PACRG: variants seen among roughly 807,000 people sequenced by gnomAD.
PACRG encodes the protein parkin coregulated gene protein.
Under a neutral mutation model 29.7 loss-of-function variants are expected in PACRG, and 29 were observed. The ratio of observed to expected loss-of-function variants is 0.98; its 90% confidence interval spans 0.73 to 1.33. PACRG has a LOEUF of 1.33. Among genes scored for constraint, PACRG ranks in the 40% most tolerant of loss-of-function variants. PACRG has a pLI of 0.00. For missense variants in PACRG, 279 were observed against 316.2 expected (o/e 0.88, Z 0.89); for synonymous variants, 116 against 118.7 (o/e 0.98, Z 0.15).
chr6:163,295,486 C>T (rs1258108940), intron 4 of PACRG, among the ~76,000 whole-genome samples: 2 of 152,172 alleles, frequency 1.3e-5, no homozygotes, highest in Non-Finnish European at 2.9e-5. Context: ...TTTGCTTATC[C>T]GTACAGTGGG....
chr6:162,879,951 G>A (rs1231148070), intron 2 of PACRG, among the ~76,000 whole-genome samples: 1 of 152,182 alleles, frequency 6.6e-6, no homozygotes, highest in Admixed American at 6.6e-5. Context: ...TATTTTTTAG[G>A]TACTTAGCAG....
chr6:162,973,379 C>T (rs9458700), intron 2 of PACRG, among the ~76,000 whole-genome samples: 2,020 of 152,300 alleles, frequency 0.013, 44 homozygotes, highest in African/African-American at 0.046. Flanking sequence ...CCATCTAATG[C>T]GAGGCCTGGC....
At chr6:162,887,215 A>T (rs1284829888) in intron 2 of PACRG, among the ~76,000 whole-genome samples, 1 of 152,130 alleles carries the variant, frequency 6.6e-6, no homozygotes, top group African/African-American at 2.4e-5. Context: ...GGCCTCCCAA[A>T]GTGCTGCAAT....
At chr6:163,036,821 TATCC>T (rs543175236) in intron 2 of PACRG, among the ~76,000 whole-genome samples, 2 of 151,578 alleles carry the variant, frequency 1.3e-5, no homozygotes, top group South Asian at 2.1e-4. Context: ...CTCTTTTATT[TATCC>T]ATCCATCCAT....
chr6:162,894,328 T>G (rs562347883), intron 2 of PACRG, among the ~76,000 whole-genome samples: 10 of 152,290 alleles, frequency 6.6e-5, no homozygotes, highest in Admixed American at 3.9e-4. Flanking sequence ...ATATAAAACA[T>G]GTCTTGCTCT....
intron 4 of PACRG, among the ~76,000 whole-genome samples, chr6:163,236,458 C>A (rs112925674): frequency 0.014 from 2,144 of 152,330 alleles, 56 homozygotes; most frequent in African/African-American, 0.049. Context: ...GTCCTTTGAG[C>A]ACTCCATAAA....
chr6:162,929,166 A>G (rs1383343611), intron 2 of PACRG, among the ~76,000 whole-genome samples: 1 of 151,912 alleles, frequency 6.6e-6, no homozygotes, highest in African/African-American at 2.4e-5. Flanking sequence ...CGGGAGTTCT[A>G]TTTTTAGTAT....
intron 4 of PACRG, among the ~76,000 whole-genome samples, chr6:163,168,978 C>T (rs1778944092): frequency 6.6e-6 from 1 of 152,210 alleles, no homozygotes; most frequent in Admixed American, 6.5e-5. Flanking sequence ...AGAAGTGAAG[C>T]TAATCAATTT....
chr6:162,838,994 G>A (rs61101339), intron 2 of PACRG, among the ~76,000 whole-genome samples: 11,977 of 130,104 alleles, frequency 0.092, 553 homozygotes, highest in Middle Eastern at 0.15. Flanking sequence ...GTCTATCATT[G>A]TTGGACATTT....
intron 2 of PACRG, among the ~76,000 whole-genome samples, chr6:162,872,811 A>G (rs1792939107): frequency 6.6e-6 from 1 of 152,150 alleles, no homozygotes; most frequent in Admixed American, 6.5e-5. Context: ...GAACTGAGTG[A>G]TTTCCAAGCA....
At chr6:162,923,842 G>A (rs972529230) in intron 2 of PACRG, among the ~76,000 whole-genome samples, 1 of 151,740 alleles carries the variant, frequency 6.6e-6, no homozygotes, top group African/African-American at 2.4e-5. Flanking sequence ...GTTTTGCTCA[G>A]GATTACTTTT....
chr6:163,122,193 G>GA (rs1318092690), intron 4 of PACRG, among the ~76,000 whole-genome samples: 1 of 151,888 alleles, frequency 6.6e-6, no homozygotes, highest in African/African-American at 2.4e-5. Context: ...AATATCTTGA[G>GA]AAAAAAATAG....
In PACRG at chr6:162,844,184, C is replaced by G. The variant is rs1187525465; in HGVS notation, c.291+29903C>G. Among the ~76,000 whole-genome samples, 4 of 149,396 alleles carry G rather than the reference C, an allele frequency of 2.7e-5. No individual in the cohort carries two copies. The South Asian group carries it at 6.4e-4, about 24-fold the overall frequency. The stretch of plus-strand genomic sequence containing the variant: ...AAGCAAGCCTGGGCAATGGCGGGCG[C>G]CCCTCCCCCAGCCTCGCTGCCGCCT... On this transcript the variant is annotated intron_variant, in intron 2 of 4. Transcript: ENST00000366888.
intron 4 of PACRG, among the ~76,000 whole-genome samples, chr6:163,186,940 C>T (rs190661961): frequency 1.3e-5 from 2 of 152,314 alleles, no homozygotes; most frequent in African/African-American, 4.8e-5. Flanking sequence ...TTGACATTTT[C>T]CCCGGGCTCT....
chr6:163,277,928 G>A (rs537648588), intron 4 of PACRG, among the ~76,000 whole-genome samples: 2 of 152,080 alleles, frequency 1.3e-5, no homozygotes, highest in East Asian at 3.9e-4. Context: ...TTCCTTAGTG[G>A]TTGTACTAGT....
intron 2 of PACRG, among the ~76,000 whole-genome samples, chr6:163,036,182 G>A (rs1808170040): frequency 6.6e-6 from 1 of 152,188 alleles, no homozygotes; most frequent in African/African-American, 2.4e-5. Context: ...CTTGAAGCAT[G>A]CAAACTTATT....
At chr6:163,048,244 T>A (rs1809613555) in intron 2 of PACRG, among the ~76,000 whole-genome samples, 1 of 152,224 alleles carries the variant, frequency 6.6e-6, no homozygotes, top group Non-Finnish European at 1.5e-5. Context: ...ACTTTCTTCT[T>A]ATCTCCTTTC....
chr6:163,072,077 T>A (rs1055797758), intron 3 of PACRG, among the ~76,000 whole-genome samples: 1 of 151,302 alleles, frequency 6.6e-6, no homozygotes, highest in Middle Eastern at 3.4e-3. Flanking sequence ...TACTTCCAAG[T>A]TCATTCTATA....
intron 2 of PACRG, among the ~76,000 whole-genome samples, chr6:162,972,862 C>T (rs970882077): frequency 6.8e-6 from 1 of 147,682 alleles, no homozygotes; most frequent in Non-Finnish European, 1.5e-5. Flanking sequence ...GATGAGAATT[C>T]TAAAAAAATG....
Sources: gnomAD v4.1 joint callset for allele counts (sites outside exome capture counted in the v4.1 genomes callset) on GRCh38, gnomAD v4.1.1 for gene constraint, MANE v1.5 for transcripts, NCBI Gene and HGNC (gene_info 2026-07-23, HGNC 2026-07-21) for gene names.